The following PTPRG variants were observed in gnomAD, a reference collection of about 807,000 sequenced individuals.
PTPRG encodes the protein protein tyrosine phosphatase receptor type G, also known as receptor-type tyrosine-protein phosphatase gamma.
In PTPRG, 102 loss-of-function variants were observed where a neutral mutation model predicts 165.3. That is an observed-to-expected ratio of 0.62 (90% confidence interval 0.53 to 0.73). PTPRG has a LOEUF of 0.73. PTPRG is among the 30% of genes least tolerant of loss of function. The pLI is 0.00. For synonymous variants in PTPRG, 675 were observed against 669.5 expected, an observed-to-expected ratio of 1.01 and a Z score of -0.13; for missense variants, 1,866 against 1,861.4, an observed-to-expected ratio of 1.00 and a Z score of -0.05.
intron 2 of PTPRG, among the ~76,000 whole-genome samples, chr3:61,943,327 G>A (rs1437791728): frequency 2.6e-5 from 4 of 152,148 alleles, no homozygotes; most frequent in East Asian, 1.9e-4. Flanking sequence ...GGTGGCTCAC[G>A]CCTATAATCC....
At chr3:61,831,226 C>T (rs965509654) in intron 2 of PTPRG, among the ~76,000 whole-genome samples, 3 of 152,156 alleles carry the variant, frequency 2.0e-5, no homozygotes, top group Admixed American at 1.3e-4. Flanking sequence ...GCTGCTGTTG[C>T]AGAATTTTTC....
At chr3:62,288,140 T>TAA (rs374405748) in intron 28 of PTPRG, among the ~76,000 whole-genome samples, 27 of 113,634 alleles carry the variant, frequency 2.4e-4, no homozygotes, top group East Asian at 1.0e-3. Context: ...AAACTGTACT[T>TAA]AAAAAAAAAA....
At chr3:62,109,063 T>C (rs867730384) in intron 5 of PTPRG, among the ~76,000 whole-genome samples, 1 of 152,254 alleles carries the variant, frequency 6.6e-6, no homozygotes. Context: ...ATCCCATTTG[T>C]CAATTTTGAC....
chr3:61,854,256 T>G (rs2037042263), intron 2 of PTPRG, among the ~76,000 whole-genome samples: 1 of 152,180 alleles, frequency 6.6e-6, no homozygotes, highest in African/African-American at 2.4e-5. Flanking sequence ...TTAGGCCACT[T>G]TGAGGTGGGA....
chr3:61,926,592 C>T (rs2039217006), intron 2 of PTPRG, among the ~76,000 whole-genome samples: 1 of 123,384 alleles, frequency 8.1e-6, no homozygotes, highest in Non-Finnish European at 1.7e-5. Context: ...TCCCTCCCTC[C>T]CTCCCTCCCT....
intron 1 of PTPRG, among the ~76,000 whole-genome samples, chr3:61,588,829 T>C (rs1170509487): frequency 6.6e-6 from 1 of 152,238 alleles, no homozygotes; most frequent in African/African-American, 2.4e-5. Context: ...TCCGTGTATA[T>C]GTATGCATAG....
At chr3:61,563,589 A>G (rs928115240) in intron 1 of PTPRG, among the ~76,000 whole-genome samples, 5 of 152,170 alleles carry the variant, frequency 3.3e-5, no homozygotes, top group Admixed American at 3.3e-4. Context: ...AAGGACAGAG[A>G]ATTCCCCGTT....
At chr3:61,941,090 C>T (rs1477708627) in intron 2 of PTPRG, among the ~76,000 whole-genome samples, 2 of 152,222 alleles carry the variant, frequency 1.3e-5, no homozygotes, top group Non-Finnish European at 2.9e-5. Context: ...ACTCTTCTTC[C>T]TGTATTAAAT....
intron 2 of PTPRG, among the ~76,000 whole-genome samples, chr3:61,876,222 T>A (rs759363234): frequency 1.2e-4 from 19 of 152,196 alleles, no homozygotes; most frequent in Non-Finnish European, 2.6e-4. Context: ...CAGTAAGTGA[T>A]CTGTACTCCT....
At chr3:62,112,097 C>CT (rs752288281) in intron 5 of PTPRG, among the ~76,000 whole-genome samples, 47 of 150,606 alleles carry the variant, frequency 3.1e-4, no homozygotes, top group Non-Finnish European at 5.5e-4. Context: ...CTACCACTTT[C>CT]TTTTTTTCTT....
At chr3:62,257,924 A>T (rs575561256) in intron 16 of PTPRG, among the ~76,000 whole-genome samples, 1 of 152,144 alleles carries the variant, frequency 6.6e-6, no homozygotes, top group Non-Finnish European at 1.5e-5. Context: ...TGACCGTACC[A>T]CTGCACTCCA....
At chr3:61,834,149 ATCTTT>A (rs2036392391) in intron 2 of PTPRG, among the ~76,000 whole-genome samples, 1 of 152,316 alleles carries the variant, frequency 6.6e-6, no homozygotes, top group Non-Finnish European at 1.5e-5. Context: ...TTGTTACAGC[ATCTTT>A]TCTTCTTTCT....
chr3:62,262,726 T>C lies in PTPRG; in HGVS notation c.2560-72T>C, dbSNP rs112280246. The C allele has an allele frequency of 1.0e-4, 118 of 1,124,868 alleles. 1 individual carries two copies. In the African/African-American group the frequency reaches 1.6e-3, roughly 15 times the overall value. 69.7% of individuals were successfully genotyped at this position (1,124,868 alleles called of 1,614,324 possible). A position where few individuals can be genotyped will look rare whatever the true frequency, so the allele number is the denominator to read the frequency against. ...GTGGCCAGGGAGTGAGTAAATACTT[T>C]ATGCCTTTAAATGTATATGGTGTTC... On this transcript the variant is annotated intron_variant, in intron 16 of 29. Coordinates refer to ENST00000474889, the MANE Select transcript of PTPRG (RefSeq NM_002841.4).
At chr3:62,004,631 C>T (rs1317008827) in intron 4 of PTPRG, among the ~76,000 whole-genome samples, 1 of 152,206 alleles carries the variant, frequency 6.6e-6, no homozygotes, top group African/African-American at 2.4e-5. Context: ...CGATTAAAGC[C>T]TTCCTTGGCG....
chr3:61,661,072 AT>A (rs1244195894), intron 1 of PTPRG, among the ~76,000 whole-genome samples: 2,357 of 147,912 alleles, frequency 0.016, 60 homozygotes, highest in African/African-American at 0.055. Context: ...CTAATTAAAA[AT>A]TTTTTTTTTT....
intron 4 of PTPRG, among the ~76,000 whole-genome samples, chr3:62,074,357 T>C (rs916328133): frequency 3.3e-4 from 23 of 70,132 alleles, no homozygotes; most frequent in South Asian, 7.1e-4. Context: ...TCTTTCTTTT[T>C]TTTTTTTTTT....
At chr3:61,627,631 T>C (rs921551121) in intron 1 of PTPRG, among the ~76,000 whole-genome samples, 1 of 152,220 alleles carries the variant, frequency 6.6e-6, no homozygotes, top group African/African-American at 2.4e-5. Context: ...TTTTCCTTTA[T>C]TTGAACTCAG....
rs1700152259 is a variant in PTPRG, at chr3:62,203,714, C to T, written c.1919C>T (p.Thr640Ile). ...PNRTAEGGHQ[T>I]IPGHEQDHTA... ...AGGACTGCCGAGGGAGGGCATCAGA[C>T]TATACCTGGGCATGAGCAGGATCAC... The change falls in exon 12 of 30, where the codon ACT (threonine) becomes ATT (isoleucine). Residue 640 changes from threonine (T) to isoleucine (I), a missense_variant. By Grantham distance (89) the Thr-to-Ile change is moderately conservative. Around this residue, in one of 3 missense-constraint regions of PTPRG, gnomAD observed 1,452 missense variants for 1,463.0 expected, o/e 0.99. Transcript: ENST00000474889. This position sits in a 1 kb window ranked among gnomAD's most constrained non-coding sequence, Gnocchi z 6.4. The T allele has an allele frequency of 6.3e-7, 1 of 1,585,920 alleles. No individual in the cohort carries two copies. Among genetic ancestry groups the T allele is most frequent in the Non-Finnish European group, 8.6e-7 (1 of 1,165,588 alleles).
chr3:61,788,075 A>T (rs1173062497), intron 2 of PTPRG, among the ~76,000 whole-genome samples: 5 of 152,166 alleles, frequency 3.3e-5, no homozygotes, highest in African/African-American at 7.2e-5. Context: ...GCTTGTGTCT[A>T]CCTGTCCTCA....
Sources: allele counts gnomAD v4.1 joint callset (sites outside exome capture counted in the v4.1 genomes callset), GRCh38; gene constraint gnomAD v4.1.1; regional missense constraint gnomAD v4.1.1; non-coding constraint Gnocchi (gnomAD v3.1); transcripts MANE v1.5; gene names NCBI Gene and HGNC (gene_info 2026-07-23, HGNC 2026-07-21).